The following NDUFB5 variants were observed in gnomAD, a reference collection of about 807,000 sequenced individuals.
NDUFB5 encodes NADH dehydrogenase [ubiquinone] 1 beta subcomplex subunit 5, mitochondrial.
Under a neutral mutation model 19.4 loss-of-function variants are expected in NDUFB5, and 19 were observed. The observed-to-expected ratio is 0.98, with a 90% CI of 0.68 to 1.43. The LOEUF is 1.43. NDUFB5 is among the 40% of genes most tolerant of loss of function. NDUFB5 has a pLI of 0.00. For missense variants in NDUFB5, 233 were observed against 236.5 expected (o/e 0.99, Z 0.10); for synonymous variants, 80 against 82.6 (o/e 0.97, Z 0.17).
At chr3:179,607,630 A>G (rs1719137786) in intron 1 of NDUFB5, 2 of 620,056 alleles carry the variant, frequency 3.2e-6, no homozygotes, top group African/African-American at 3.7e-5. Flanking sequence ...TGCACCGTTC[A>G]GTGGTATTAA....
At chr3:179,612,014 T>C (rs1399670607) in intron 1 of NDUFB5, among the ~76,000 whole-genome samples, 4 of 149,770 alleles carry the variant, frequency 2.7e-5, no homozygotes, top group African/African-American at 9.8e-5. Flanking sequence ...AGGGTCTAGC[T>C]ATGTTGCTCA....
intron 1 of NDUFB5, among the ~76,000 whole-genome samples, chr3:179,609,128 A>C (rs1719176350): frequency 6.6e-6 from 1 of 152,232 alleles, no homozygotes. Flanking sequence ...CTCATCAGTG[A>C]CATTGAGTAT....
chr3:179,607,172 G>T (rs1193142436), intron 1 of NDUFB5, among the ~76,000 whole-genome samples: 3 of 152,196 alleles, frequency 2.0e-5, no homozygotes, highest in African/African-American at 7.2e-5. Flanking sequence ...GAGCAGGGAA[G>T]GTTCTAATAG....
At chr3:179,607,746 C>T (rs1458078487) in intron 1 of NDUFB5, 1 of 702,642 alleles carries the variant, frequency 1.4e-6, no homozygotes, top group South Asian at 1.5e-5. Context: ...TCTCCATTCC[C>T]CTTCCACGTA....
intron 4 of NDUFB5, 75 bp downstream of exon 4, chr3:179,617,119 A>G (rs1392780675): frequency 2.6e-6 from 3 of 1,144,570 alleles, no homozygotes; most frequent in Non-Finnish European, 3.8e-6. Flanking sequence ...TAATTCAGCA[A>G]TTATGATATA....
Position 179,617,028 on chromosome 3 carries a change from A to G in NDUFB5, c.326A>G (p.His109Arg). The change falls in exon 4 of 6, where the codon CAC becomes CGC. Residue 109 changes from histidine (H) to arginine (R), a missense_variant. Physicochemically the swap from His to Arg is conservative, Grantham distance 29. Transcript: ENST00000259037. ...AEIPEGYVPEHWEYYKHPISR... is the reference protein window; with the variant it reads ...AEIPEGYVPERWEYYKHPISR... ...ATTCCAGAAGGCTATGTCCCAGAAC[A>G]CTGGGAATATTATAAGGTTTGTATA... is the stretch of plus-strand genomic sequence containing the variant. 1 of 1,610,568 alleles carries G rather than the reference A, an allele frequency of 6.2e-7. No homozygotes were observed. The highest frequency in any genetic ancestry group is 2.2e-5 in the East Asian group (1 of 44,844).
rs1359805260 is a variant in NDUFB5, at chr3:179,624,700, T to C, written c.*660T>C. Reference sequence around the variant, plus strand: ...TGTGATTCCTGCAGAGATTATAAAATGTGAGTAAAAGCTAAAAATGACTCA... The same window carrying C: ...TGTGATTCCTGCAGAGATTATAAAACGTGAGTAAAAGCTAAAAATGACTCA... On this transcript the variant is annotated 3_prime_UTR_variant, in exon 6 of 6. Coordinates refer to ENST00000259037, the MANE Select transcript of NDUFB5 (RefSeq NM_002492.4). 3 of 151,936 alleles carry C rather than the reference T, an allele frequency of 2.0e-5. No homozygotes were observed. Among genetic ancestry groups the C allele is most frequent in the East Asian group, 3.9e-4 (2 of 5,184 alleles). The allele number at this position is 151,936 out of a possible 1,614,324, so 9.4% of individuals were successfully genotyped here.
In NDUFB5 at chr3:179,614,997, G is replaced by A; in HGVS notation, c.151G>A (p.Gly51Arg). ...AAPVRHSGDHGKRLFVIRPSR... is the reference protein window; with the variant it reads ...AAPVRHSGDHRKRLFVIRPSR... ...TCCTGTTCGACACAGTGGAGACCAT[G>A]GGAAAAGACTATTTGTCATCAGACC... Residue 51 changes from glycine to arginine, a missense_variant, in exon 2 of 6, where the codon GGG becomes AGG. Physicochemically the swap from Gly to Arg is moderately radical, Grantham distance 125. Coordinates refer to ENST00000259037, the MANE Select transcript of NDUFB5 (RefSeq NM_002492.4). The A allele has an allele frequency of 6.2e-7, 1 of 1,609,996 alleles. No individual in the cohort carries two copies. Among genetic ancestry groups the A allele is most frequent in the Non-Finnish European group, 8.5e-7 (1 of 1,177,282 alleles).
rs1171905560 is a variant in NDUFB5 at position 179,625,154 on chromosome 3, A to G, written c.*1114A>G. Reference sequence around the variant, plus strand: ...CTCAGATGTTAAACACAAACTCAGTATTTACAAAAATAAACATTTAAAACA... The same window carrying G: ...CTCAGATGTTAAACACAAACTCAGTGTTTACAAAAATAAACATTTAAAACA... On this transcript the variant is annotated 3_prime_UTR_variant, in exon 6 of 6. Transcript: ENST00000259037. The G allele has an allele frequency of 1.3e-5, 2 of 152,232 alleles. No individual in the cohort carries two copies. The highest frequency in any genetic ancestry group is 4.8e-5 in the African/African-American group (2 of 41,462). The allele number at this position is 152,232 out of a possible 1,614,324, so 9.4% of individuals were successfully genotyped here.
chr3:179,605,156 T>C (rs1481526527), intron 1 of NDUFB5, among the ~76,000 whole-genome samples: 1 of 150,606 alleles, frequency 6.6e-6, no homozygotes, highest in Non-Finnish European at 1.5e-5. Context: ...AACGTTGTTA[T>C]TCACCATCCC....
intron 1 of NDUFB5, chr3:179,607,928 C>T (rs1466766315): frequency 3.1e-6 from 2 of 646,530 alleles, no homozygotes; most frequent in Non-Finnish European, 2.8e-6. Flanking sequence ...GTCCGTTGTC[C>T]ATTGTATGTA....
In NDUFB5 at chr3:179,618,409, T is replaced by C. The variant is rs377197343; in HGVS notation, c.343-6T>C. 3 of 1,579,304 alleles carry C rather than the reference T, an allele frequency of 1.9e-6. No individual in the cohort carries two copies. The highest frequency in any genetic ancestry group is 2.6e-6 in the Non-Finnish European group (3 of 1,158,638). On this transcript the variant is annotated splice_polypyrimidine_tract_variant and splice_region_variant and intron_variant, in intron 4 of 5. Coordinates refer to ENST00000259037, the MANE Select transcript of NDUFB5 (RefSeq NM_002492.4). ...GGACTAATATTAAACGAATTTTCTCTTGTAGCATCCCATATCAAGATGGAT... is the reference window on the plus strand; with the variant it reads ...GGACTAATATTAAACGAATTTTCTCCTGTAGCATCCCATATCAAGATGGAT...
chr3:179,607,507 A>G (rs1453518872), intron 1 of NDUFB5, among the ~76,000 whole-genome samples: 1 of 152,218 alleles, frequency 6.6e-6, no homozygotes, highest in African/African-American at 2.4e-5. Context: ...AACCTGCCTC[A>G]AAAGGTAGTT....
chr3:179,606,617 CG>C (rs1719109983), intron 1 of NDUFB5, among the ~76,000 whole-genome samples: 1 of 152,120 alleles, frequency 6.6e-6, no homozygotes, highest in African/African-American at 2.4e-5. Context: ...AGATCACAGG[CG>C]TGAGCCACCC....
chr3:179,620,016 A>T (rs1222721990), intron 5 of NDUFB5, among the ~76,000 whole-genome samples: 1 of 152,162 alleles, frequency 6.6e-6, no homozygotes, highest in African/African-American at 2.4e-5. Context: ...GTGTCTGTTC[A>T]TATCCTTTGC....
Position 179,625,883 on chromosome 3 carries a change from T to A in NDUFB5, c.*1843T>A, listed in dbSNP as rs1214239602. The stretch of plus-strand genomic sequence containing the variant: ...TGCTACAAATGACAGAATCCCATTC[T>A]TTTTCATAATATTGTCCATACATAC... On this transcript the variant is annotated 3_prime_UTR_variant, in exon 6 of 6. Transcript: ENST00000259037. 1 of 152,220 alleles carries A rather than the reference T, an allele frequency of 6.6e-6. No homozygotes were observed. The highest frequency in any genetic ancestry group is 2.1e-4 in the South Asian group (1 of 4,832). 9.4% of individuals were successfully genotyped at this position (152,220 alleles called of 1,614,324 possible). A position where few individuals can be genotyped will look rare whatever the true frequency, so the allele number is the denominator to read the frequency against.
At position 179,615,966 on chromosome 3, in the gene NDUFB5, T is replaced by A; in HGVS notation, c.214-17T>A. ...GTTACGAAATGGTCATGAGAAACAC[T>A]TTTTTTTTTATCTTAGAGATTCTAC... On this transcript the variant is annotated splice_polypyrimidine_tract_variant and intron_variant, in intron 2 of 5. Transcript: ENST00000259037. The A allele has an allele frequency of 8.0e-7, 1 of 1,244,338 alleles. No individual in the cohort carries two copies. Among genetic ancestry groups the A allele is most frequent in the Non-Finnish European group, 1.1e-6 (1 of 894,796 alleles). The allele number at this position is 1,244,338 out of a possible 1,614,324, so 77.1% of individuals were successfully genotyped here.
intron 1 of NDUFB5, chr3:179,607,832 A>G: frequency 1.4e-6 from 1 of 701,870 alleles, no homozygotes; most frequent in South Asian, 1.5e-5. Flanking sequence ...ATCATATAAT[A>G]TTTGTCTGTC....
At chr3:179,615,113 T>A (rs180977794) in intron 2 of NDUFB5, 54 bp downstream of exon 2, 21,568 of 1,080,084 alleles carry the variant, frequency 0.02, 365 homozygotes, top group Middle Eastern at 0.039. Flanking sequence ...AGGGAAAAAA[T>A]TTTTGCCTCT....
Sources: allele counts gnomAD v4.1 joint callset (sites outside exome capture counted in the v4.1 genomes callset), GRCh38; gene constraint gnomAD v4.1.1; transcripts MANE v1.5; gene names NCBI Gene and HGNC (gene_info 2026-07-23, HGNC 2026-07-21).